PDXDC1: variants seen among roughly 807,000 people sequenced by gnomAD.
The protein encoded by PDXDC1 is pyridoxal-dependent decarboxylase domain-containing protein 1.
Under a neutral mutation model 100.1 loss-of-function variants are expected in PDXDC1, and 42 were observed. The observed-to-expected ratio is 0.42, with a 90% CI of 0.33 to 0.54. PDXDC1 has a LOEUF of 0.54. PDXDC1 is among the 20% of genes least tolerant of loss of function. PDXDC1 has a pLI of 0.10. For synonymous variants in PDXDC1, 260 were observed against 371.7 expected (o/e 0.70, Z 3.46); for missense variants, 636 against 979.2 (o/e 0.65, Z 4.68).
At chr16:15,001,332 T>TA (rs1269650143) in intron 3 of PDXDC1, among the ~76,000 whole-genome samples, 1 of 152,146 alleles carries the variant, frequency 6.6e-6, no homozygotes, top group Non-Finnish European at 1.5e-5. Flanking sequence ...CTACTAAAAA[T>TA]ACAAAAATTA....
At chr16:14,999,646 G>C (rs1430105378) in intron 3 of PDXDC1, among the ~76,000 whole-genome samples, 1 of 152,224 alleles carries the variant, frequency 6.6e-6, no homozygotes, top group Non-Finnish European at 1.5e-5. Context: ...TTTATTCTAA[G>C]AGGTATTTTA....
In PDXDC1 at chr16:15,130,544, G is replaced by T. The variant is rs1420916373; in HGVS notation, c.1400-8335G>T. On this transcript the variant is annotated intron_variant, in intron 16 of 16. Coordinates refer to the PDXDC1 transcript ENST00000535621. ...AGCCCATACCCGGTCCAGTCCCCTC[G>T]CTGCCTGCCGTCCCCACAGGGCCTG... 31 of 1,336,606 alleles carry T rather than the reference G, an allele frequency of 2.3e-5. No homozygotes were observed. In the East Asian group the frequency reaches 6.5e-4, roughly 28 times the overall value. 82.8% of individuals were successfully genotyped at this position (1,336,606 alleles called of 1,614,324 possible).
intron 16 of PDXDC1, chr16:15,060,266 C>G: frequency 3.1e-6 from 1 of 327,790 alleles, no homozygotes; most frequent in Non-Finnish European, 6.0e-6. Context: ...CAACATTTTG[C>G]CAGCAGTTAA....
chr16:15,084,726 A>G (rs1260415038), intron 16 of PDXDC1: 1 of 1,594,590 alleles, frequency 6.3e-7, no homozygotes, highest in East Asian at 2.2e-5. Context: ...AAAAGTTCAG[A>G]GTATGAGCAT....
rs62039515 is a variant in PDXDC1, at chr16:15,078,052, A to G, written c.1399+47996A>G. On this transcript the variant is annotated intron_variant, in intron 16 of 16. Transcript: ENST00000535621. ...TATTTTGGTATATCACCATTCAAAT[A>G]TCTTAACATACCACTCAAACCATGC... Among the ~76,000 whole-genome samples, 617 of 152,362 alleles carry G rather than the reference A, an allele frequency of 4.0e-3. 2 individuals are homozygous for G. Among genetic ancestry groups the G allele is most frequent in the South Asian group, 0.011 (53 of 4,834 alleles).
chr16:15,100,847 G>T (rs368247681), intron 16 of PDXDC1, among the ~76,000 whole-genome samples: 2 of 152,100 alleles, frequency 1.3e-5, no homozygotes. Context: ...ATCAGCCATA[G>T]TGTTGGTGTG....
intron 8 of PDXDC1, among the ~76,000 whole-genome samples, chr16:15,011,809 G>A (rs141619242): frequency 0.074 from 11,140 of 149,574 alleles, 128 homozygotes; most frequent in East Asian, 0.14. Flanking sequence ...GATTACAGGC[G>A]CACGCCACCG....
chr16:15,133,578 G>A, intron 16 of PDXDC1: 1 of 1,069,054 alleles, frequency 9.4e-7, no homozygotes, highest in South Asian at 1.3e-5. Context: ...CCCGGGGGCA[G>A]CACGGCTCCG....
chr16:15,152,105 A>C, the PDXDC1 span, among the ~76,000 whole-genome samples: 2 of 146,538 alleles, frequency 1.4e-5, no homozygotes, highest in African/African-American at 4.9e-5. Flanking sequence ...CATCTTTTCC[A>C]AAAGCCACCA....
intron 16 of PDXDC1, chr16:15,044,298 T>A (rs751093929): frequency 4.2e-5 from 61 of 1,451,830 alleles, no homozygotes; most frequent in Non-Finnish European, 5.7e-5. Flanking sequence ...CATATTTATG[T>A]CCAATTTGGG....
At chr16:15,069,167 G>A (rs554185732) in intron 16 of PDXDC1, among the ~76,000 whole-genome samples, 29 of 152,078 alleles carry the variant, frequency 1.9e-4, no homozygotes, top group African/African-American at 3.4e-4. Flanking sequence ...AGGAGACTGC[G>A]ACCCCCGCAG....
intron 7 of PDXDC1, 76 bp downstream of exon 7, chr16:15,008,923 C>T: frequency 1.4e-6 from 2 of 1,409,404 alleles, no homozygotes; most frequent in Non-Finnish European, 2.0e-6. Flanking sequence ...GTTCTTTTTG[C>T]TGGCCTCCAG....
intron 1 of PDXDC1, among the ~76,000 whole-genome samples, chr16:14,993,442 T>A (rs1425470648): frequency 6.6e-6 from 1 of 152,284 alleles, no homozygotes; most frequent in Non-Finnish European, 1.5e-5. Flanking sequence ...GGTTTCAAAC[T>A]TCATCCATGT....
At chr16:15,031,707 A>T in intron 16 of PDXDC1, 28 bp from the exon 17 acceptor site, 1 of 1,592,530 alleles carries the variant, frequency 6.3e-7, no homozygotes, top group Non-Finnish European at 8.6e-7. Flanking sequence ...TCTCGTGAGC[A>T]TTTCTCTGAC....
downstream of PDXDC1, among the ~76,000 whole-genome samples, chr16:15,040,764 G>T (rs1172546337): frequency 3.9e-5 from 6 of 152,180 alleles, no homozygotes; most frequent in East Asian, 5.8e-4. Flanking sequence ...GTGCTGGGGG[G>T]AGAGGGAAAC....
intron 16 of PDXDC1, among the ~76,000 whole-genome samples, chr16:15,111,195 TC>T (rs1486815814): frequency 6.8e-6 from 1 of 147,134 alleles, no homozygotes; most frequent in Non-Finnish European, 1.5e-5. Flanking sequence ...GTTGGCTCAC[TC>T]CCGTAATCCC....
chr16:15,128,458 C>G lies in PDXDC1; in HGVS notation c.1400-10421C>G, dbSNP rs939976105. ...AACACGTGTGGCATCCCAGGCAAGT[C>G]ATCTCAGCTTTGGCCTCCGCGCACT... On this transcript the variant is annotated intron_variant, in intron 16 of 16. Transcript: ENST00000535621. 53 of 894,056 alleles carry G rather than the reference C, an allele frequency of 5.9e-5. No homozygotes were observed. The African/African-American group carries it at 8.4e-4, about 14-fold the overall frequency. 55.4% of individuals were successfully genotyped at this position (894,056 alleles called of 1,614,324 possible).
intron 3 of PDXDC1, among the ~76,000 whole-genome samples, chr16:14,999,796 A>G (rs1972763669): frequency 6.6e-6 from 1 of 152,290 alleles, no homozygotes; most frequent in Admixed American, 6.5e-5. Flanking sequence ...TAAAATTTTC[A>G]CAAGACATTA....
At chr16:15,147,735 C>T in the PDXDC1 span, among the ~76,000 whole-genome samples, 2 of 152,132 alleles carry the variant, frequency 1.3e-5, no homozygotes, top group African/African-American at 4.8e-5. Flanking sequence ...GTTGACCAGG[C>T]TAGAGTGCAG....
Sources: allele counts gnomAD v4.1 joint callset (sites outside exome capture counted in the v4.1 genomes callset), GRCh38; gene constraint gnomAD v4.1.1; transcripts MANE v1.5; gene names NCBI Gene and HGNC (gene_info 2026-07-23, HGNC 2026-07-21).